The following FAM114A2 variants were observed in gnomAD, a reference collection of about 807,000 sequenced individuals.
The protein encoded by FAM114A2 is family with sequence similarity 114 member A2.
In FAM114A2, 53 loss-of-function variants were observed where a neutral mutation model predicts 58.4. The observed-to-expected ratio is 0.91, with a 90% CI of 0.73 to 1.14. FAM114A2 has a LOEUF of 1.14. Among genes scored for constraint, FAM114A2 ranks in the 50% most tolerant of loss-of-function variants. FAM114A2 has a pLI of 0.00. For synonymous variants in FAM114A2, 228 were observed against 211.4 expected, an observed-to-expected ratio of 1.08 and a Z score of -0.68; for missense variants, 601 against 581.1, an observed-to-expected ratio of 1.03 and a Z score of -0.35.
At position 154,002,836 on chromosome 5, in the gene FAM114A2, GCTT is replaced by G. The variant is rs1391104904; in HGVS notation, c.1116+8_1116+10del. On this transcript the variant is annotated splice_region_variant and intron_variant, in intron 10 of 13. Transcript: ENST00000351797. ...TAAAACAAACAAAAAAGGCTTAGTT[GCTT>G]TGGCTACCTCTATTGAATTTTTGTT... The G allele has an allele frequency of 2.5e-6, 4 of 1,613,698 alleles. No homozygotes were observed.
At chr5:154,029,699 C>G in intron 4 of FAM114A2, 119 bp from the exon 5 acceptor site, 1 of 521,962 alleles carries the variant, frequency 1.9e-6, no homozygotes, top group Non-Finnish European at 3.5e-6. Context: ...AGGCCTTAGC[C>G]CTTTTTATCA....
chr5:154,036,032 T>C (rs77960633), intron 1 of FAM114A2, among the ~76,000 whole-genome samples: 1 of 150,274 alleles, frequency 6.7e-6, no homozygotes, highest in African/African-American at 2.4e-5. Flanking sequence ...TCTAATGAGA[T>C]TTTTTTTTTA....
chr5:154,015,933 C>A (rs1225536233), intron 8 of FAM114A2, among the ~76,000 whole-genome samples: 1 of 151,856 alleles, frequency 6.6e-6, no homozygotes, highest in Non-Finnish European at 1.5e-5. Context: ...AAAAAACAAT[C>A]CAAACTTAAG....
At chr5:154,035,359 C>T (rs796254552) in intron 1 of FAM114A2, among the ~76,000 whole-genome samples, 2 of 152,118 alleles carry the variant, frequency 1.3e-5, no homozygotes, top group Admixed American at 6.5e-5. Context: ...CCTTCCAACC[C>T]AAAGCAATTA....
At position 153,993,411 on chromosome 5, in the gene FAM114A2, T is replaced by C. The variant is rs149865972; in HGVS notation, c.1384-301A>G. ...CATTCAAAGCTTATTTATTCCTTTA[T>C]TGAGTAGGGTAGATTCTGTCACAAT... On this transcript the variant is annotated intron_variant, in intron 13 of 13. Coordinates refer to ENST00000351797, the MANE Select transcript of FAM114A2 (RefSeq NM_018691.4). Among the ~76,000 whole-genome samples the C allele has an allele frequency of 2.3e-3, 353 of 152,318 alleles. 3 individuals are homozygous for C. The highest frequency in any genetic ancestry group is 7.9e-3 in the African/African-American group (327 of 41,584).
chr5:154,019,965 T>C (rs768335310), intron 8 of FAM114A2, among the ~76,000 whole-genome samples: 2 of 152,256 alleles, frequency 1.3e-5, no homozygotes, highest in African/African-American at 2.4e-5. Context: ...CACAGTGCAA[T>C]CAAATTAGAA....
intron 12 of FAM114A2, among the ~76,000 whole-genome samples, chr5:153,997,584 G>C (rs1769659041): frequency 1.3e-5 from 2 of 152,180 alleles, no homozygotes; most frequent in Non-Finnish European, 2.9e-5. Context: ...GTAGGGCTGG[G>C]GAAATGTGGA....
Position 154,002,969 on chromosome 5 carries a change from C to A in FAM114A2, c.994G>T (p.Ala332Ser). The stretch of plus-strand genomic sequence containing the variant: ...ATCCATTCGTGGGCGGTATTTCTTG[C>A]CTAAATAAGAAAAATATTGGCCATC... Reference protein sequence around the residue: ...VSSKPEKLARARNTAHEWIRK... With the variant: ...VSSKPEKLARSRNTAHEWIRK... The change falls in exon 10 of 14, where the codon GCA (alanine) becomes TCA (serine). Residue 332 changes from alanine to serine, a missense_variant and splice_region_variant. Coordinates refer to ENST00000351797, the MANE Select transcript of FAM114A2 (RefSeq NM_018691.4). The A allele has an allele frequency of 6.2e-7, 1 of 1,613,112 alleles. No homozygotes were observed. The highest frequency in any genetic ancestry group is 8.5e-7 in the Non-Finnish European group (1 of 1,179,616).
chr5:154,002,486 C>G, intron 10 of FAM114A2, 96 bp from the exon 11 acceptor site: 2 of 1,278,720 alleles, frequency 1.6e-6, no homozygotes, highest in Non-Finnish European at 2.2e-6. Flanking sequence ...GTAGCAGAGA[C>G]TAATAGTTGC....
At chr5:154,034,435 A>G (rs974370525) in intron 2 of FAM114A2, 58 bp from the exon 3 acceptor site, 1 of 1,049,730 alleles carries the variant, frequency 9.5e-7, no homozygotes, top group Non-Finnish European at 1.4e-6. Flanking sequence ...AATTAGAGGA[A>G]AATCAGAATG....
chr5:154,006,646 A>G (rs1424766230), intron 9 of FAM114A2, among the ~76,000 whole-genome samples: 1 of 152,222 alleles, frequency 6.6e-6, no homozygotes, highest in Non-Finnish European at 1.5e-5. Context: ...AATACAAACA[A>G]TATGTTAAAT....
chr5:154,029,567 G>GA lies in FAM114A2; in HGVS notation c.416_417insT (p.Lys140GlnfsTer4), dbSNP rs751921117. The GA allele has an allele frequency of 6.2e-7, 1 of 1,603,562 alleles. No homozygotes were observed. The highest frequency in any genetic ancestry group is 1.3e-5 in the African/African-American group (1 of 74,758). On this transcript the variant is annotated frameshift_variant, in exon 5 of 14. Transcript: ENST00000351797. LOFTEE classifies it high-confidence loss of function. The stretch of plus-strand genomic sequence containing the variant: ...CTGGGGAGGAGTTTTCATTCTCTTT[G>GA]GCATTTGTCTCTCCTACAAGAGGGA...
intron 9 of FAM114A2, among the ~76,000 whole-genome samples, chr5:154,003,180 T>A (rs1297177864): frequency 1.4e-5 from 2 of 140,206 alleles, no homozygotes; most frequent in Admixed American, 6.9e-5. Flanking sequence ...ATTGGTAGTA[T>A]TTTTTTTTTT....
chr5:153,995,110 A>C (rs1287966970), intron 12 of FAM114A2, 138 bp from the exon 13 acceptor site: 1 of 604,272 alleles, frequency 1.7e-6, no homozygotes, highest in Non-Finnish European at 3.0e-6. Flanking sequence ...CTGAGAGCAA[A>C]ATGTCATCTT....
At chr5:154,026,553 G>A in intron 7 of FAM114A2, 31 bp from the exon 8 acceptor site, 1 of 1,394,530 alleles carries the variant, frequency 7.2e-7, no homozygotes, top group Non-Finnish European at 9.4e-7. Flanking sequence ...AATGTTGTAG[G>A]AGTATGAAAG....
At chr5:154,027,358 A>G in intron 6 of FAM114A2, 24 bp from the exon 7 acceptor site, 1 of 1,592,048 alleles carries the variant, frequency 6.3e-7, no homozygotes, top group Non-Finnish European at 8.5e-7. Flanking sequence ...GAGGCATTAC[A>G]CTGTAGCAAA....
At chr5:153,998,330 C>T (rs1168451431) in intron 11 of FAM114A2, among the ~76,000 whole-genome samples, 1 of 152,152 alleles carries the variant, frequency 6.6e-6, no homozygotes, top group Non-Finnish European at 1.5e-5. Flanking sequence ...CTAATAATGG[C>T]CCCTGCTATG....
rs1014495541 is a variant in FAM114A2, at chr5:153,992,104, TCAAA to T, written c.*868_*871del. The T allele has an allele frequency of 2.0e-5, 3 of 152,254 alleles. No homozygotes were observed. The highest frequency in any genetic ancestry group is 2.9e-5 in the Non-Finnish European group (2 of 68,020). The allele number at this position is 152,254 out of a possible 1,614,324, so 9.4% of individuals were successfully genotyped here. ...AAAGGACTATGGCCCACTTCAACAC[TCAAA>T]CAAAAAAATCCTCATTGCTAAAACA... On this transcript the variant is annotated 3_prime_UTR_variant, in exon 14 of 14. Transcript: ENST00000351797.
chr5:154,027,707 G>A (rs1771884924), intron 6 of FAM114A2, among the ~76,000 whole-genome samples: 1 of 152,108 alleles, frequency 6.6e-6, no homozygotes, highest in African/African-American at 2.4e-5. Context: ...CATCATGTTG[G>A]TCAGGTTGAT....
Sources: gnomAD v4.1 joint callset for allele counts (sites outside exome capture counted in the v4.1 genomes callset) on GRCh38, gnomAD v4.1.1 for gene constraint, MANE v1.5 for transcripts, NCBI Gene and HGNC (gene_info 2026-07-23, HGNC 2026-07-21) for gene names.